The following TCAIM variants were observed in gnomAD, a reference collection of about 807,000 sequenced individuals.
The protein encoded by TCAIM is T-cell activation inhibitor, mitochondrial.
TCAIM carries 36 observed loss-of-function variants against 58.6 expected under a neutral mutation model. The observed-to-expected ratio is 0.61, with a 90% CI of 0.47 to 0.81. TCAIM has a LOEUF of 0.81. Among genes scored for constraint, TCAIM ranks in the 30% least tolerant of loss-of-function variants. TCAIM has a pLI of 0.00. For missense variants in TCAIM, 466 were observed against 579.6 expected (o/e 0.80, Z 2.01); for synonymous variants, 172 against 193.6 (o/e 0.89, Z 0.93).
At chr3:44,383,163 A>G (rs749870362) in intron 5 of TCAIM, among the ~76,000 whole-genome samples, 1 of 152,208 alleles carries the variant, frequency 6.6e-6, no homozygotes, top group Non-Finnish European at 1.5e-5. Flanking sequence ...TGCAGCTGCT[A>G]TGGAAGATGA....
At chr3:44,362,628 A>G (rs889977925) in intron 4 of TCAIM, 8 of 385,986 alleles carry the variant, frequency 2.1e-5, no homozygotes, top group African/African-American at 1.6e-4. Context: ...AGTTTTATTA[A>G]AAATAGCCCT....
chr3:44,362,445 T>C, intron 4 of TCAIM: 1 of 400,944 alleles, frequency 2.5e-6, no homozygotes, highest in Non-Finnish European at 4.4e-6. Context: ...GAGGAAGAGC[T>C]TGATCTGAAG....
intron 5 of TCAIM, among the ~76,000 whole-genome samples, chr3:44,374,402 G>A (rs753416007): frequency 4.0e-5 from 6 of 151,712 alleles, no homozygotes; most frequent in Non-Finnish European, 7.4e-5. Context: ...AGGTGTGTGT[G>A]TATATGCTGG....
At chr3:44,375,365 A>T (rs187245842) in intron 5 of TCAIM, among the ~76,000 whole-genome samples, 3 of 152,150 alleles carry the variant, frequency 2.0e-5, no homozygotes, top group Admixed American at 2.0e-4. Flanking sequence ...GCTTCCCCTC[A>T]TGGTAGAAGG....
intron 1 of TCAIM, among the ~76,000 whole-genome samples, chr3:44,345,159 G>A (rs995524756): frequency 6.6e-6 from 1 of 152,146 alleles, no homozygotes; most frequent in Non-Finnish European, 1.5e-5. Context: ...TTGGGGCGGC[G>A]TGGGAACCTA....
chr3:44,405,039 T>G (rs1158811808), intron 10 of TCAIM, among the ~76,000 whole-genome samples: 1 of 151,696 alleles, frequency 6.6e-6, no homozygotes, highest in African/African-American at 2.4e-5. Flanking sequence ...CCCAAAACTG[T>G]GTGACTTGTA....
At chr3:44,338,162 C>G (rs910000655), upstream of TCAIM, 1 of 152,550 alleles carries the variant, frequency 6.6e-6, no homozygotes, top group Admixed American at 6.5e-5. Context: ...AGATCCAGCG[C>G]GTGCTCGGTT....
intron 1 of TCAIM, among the ~76,000 whole-genome samples, chr3:44,351,338 G>A (rs1014850857): frequency 1.3e-5 from 2 of 151,458 alleles, no homozygotes; most frequent in Non-Finnish European, 2.9e-5. Context: ...TCTGCATCTA[G>A]CCCCAAATGT....
chr3:44,379,421 T>C (rs1033141827), intron 5 of TCAIM, among the ~76,000 whole-genome samples: 2 of 152,198 alleles, frequency 1.3e-5, no homozygotes, highest in African/African-American at 4.8e-5. Context: ...CATGCTGACA[T>C]ATCTTCATTG....
At chr3:44,384,263 A>G (rs2125647065) in intron 5 of TCAIM, among the ~76,000 whole-genome samples, 1 of 152,398 alleles carries the variant, frequency 6.6e-6, no homozygotes, top group Admixed American at 6.5e-5. Context: ...GTTCTCATTT[A>G]GAGAGTAATT....
intron 5 of TCAIM, among the ~76,000 whole-genome samples, chr3:44,392,054 A>G (rs898791296): frequency 1.3e-5 from 2 of 152,240 alleles, no homozygotes; most frequent in African/African-American, 2.4e-5. Flanking sequence ...AGGTTGTAAT[A>G]AACACACTTT....
chr3:44,349,122 A>C (rs533529926), intron 1 of TCAIM, among the ~76,000 whole-genome samples: 1 of 152,232 alleles, frequency 6.6e-6, no homozygotes, highest in South Asian at 2.1e-4. Context: ...GTCCACAGAA[A>C]AGGAGGATTT....
chr3:44,384,510 A>G (rs1443288431), intron 5 of TCAIM, among the ~76,000 whole-genome samples: 1 of 152,232 alleles, frequency 6.6e-6, no homozygotes, highest in East Asian at 1.9e-4. Context: ...GTAGAGATAA[A>G]TTATTATACA....
intron 5 of TCAIM, among the ~76,000 whole-genome samples, chr3:44,383,947 A>G (rs115493651): frequency 6.6e-6 from 1 of 152,228 alleles, no homozygotes; most frequent in African/African-American, 2.4e-5. Flanking sequence ...TAGGAAAAAT[A>G]TGTTAGTGAT....
intron 2 of TCAIM, among the ~76,000 whole-genome samples, chr3:44,355,609 T>C (rs996654677): frequency 1.3e-5 from 2 of 152,166 alleles, no homozygotes; most frequent in Admixed American, 1.3e-4. Flanking sequence ...GCAGAGAAAG[T>C]GGAAAGAAGG....
At chr3:44,339,664 C>T (rs534758532) in intron 1 of TCAIM, 1 of 152,286 alleles carries the variant, frequency 6.6e-6, no homozygotes, top group African/African-American at 2.4e-5. Flanking sequence ...TTTTATCCTT[C>T]CCGGTCCTCT....
chr3:44,358,744 C>T, intron 3 of TCAIM: 1 of 985,664 alleles, frequency 1.0e-6, no homozygotes, highest in Non-Finnish European at 1.2e-6. Context: ...TACAAAGCCA[C>T]ATGCTTTGGA....
chr3:44,407,846 G>A lies in TCAIM; in HGVS notation c.*164G>A. 1.3e-6 allele frequency: 1 copy of A among 757,610 alleles called. No individual in the cohort carries two copies. Among genetic ancestry groups the A allele is most frequent in the East Asian group, 3.2e-5 (1 of 31,014 alleles). The allele number at this position is 757,610 out of a possible 1,614,324, so 46.9% of individuals were successfully genotyped here. Reference sequence around the variant, plus strand: ...AAAAAATTAATTTCTGCTAGGAGAGGTTTTATATGCCAGGCGTGGTGGCTC... The same window carrying A: ...AAAAAATTAATTTCTGCTAGGAGAGATTTTATATGCCAGGCGTGGTGGCTC... On this transcript the variant is annotated 3_prime_UTR_variant, in exon 11 of 11. Coordinates refer to ENST00000342649, the MANE Select transcript of TCAIM (RefSeq NM_173826.4).
intron 10 of TCAIM, among the ~76,000 whole-genome samples, chr3:44,404,542 A>G (rs1478147835): frequency 6.6e-6 from 1 of 151,852 alleles, no homozygotes; most frequent in East Asian, 2.0e-4. Context: ...CTTCCTGCTC[A>G]GTCATCATCC....
Sources: gnomAD v4.1 joint callset for allele counts (sites outside exome capture counted in the v4.1 genomes callset) on GRCh38, gnomAD v4.1.1 for gene constraint, MANE v1.5 for transcripts, NCBI Gene and HGNC (gene_info 2026-07-23, HGNC 2026-07-21) for gene names.